The following RMND5A variants were observed in gnomAD, a reference collection of about 807,000 sequenced individuals.
RMND5A encodes the protein E3 ubiquitin-protein transferase RMND5A.
Under a neutral mutation model 49.7 loss-of-function variants are expected in RMND5A, and 17 were observed. That is an observed-to-expected ratio of 0.34 (90% CI 0.23 to 0.51). The LOEUF is 0.51. Among genes scored for constraint, RMND5A ranks in the 20% least tolerant of loss-of-function variants. The pLI is 0.96. For missense variants in RMND5A, 255 were observed against 471.3 expected (o/e 0.54, Z 4.25); for synonymous variants, 156 against 167.7 (o/e 0.93, Z 0.54).
intron 2 of RMND5A, among the ~76,000 whole-genome samples, chr2:86,742,324 G>A (rs1441720831): frequency 2.0e-5 from 3 of 152,048 alleles, no homozygotes; most frequent in Non-Finnish European, 4.4e-5. Context: ...TGGGGAGATT[G>A]TGACTGGGGA....
intron 1 of RMND5A, among the ~76,000 whole-genome samples, chr2:86,732,203 T>G (rs1195788782): frequency 7.1e-6 from 1 of 140,580 alleles, no homozygotes; most frequent in Non-Finnish European, 1.5e-5. Flanking sequence ...GAACTTTTTA[T>G]TATCTCCTGA....
rs774885869 is a variant in RMND5A at position 86,777,671 on chromosome 2, A to G, written c.*4260A>G. Reference sequence around the variant, plus strand: ...CGAGAATAGTGTTGCACTGTAATCTATCATATAGAGCTATATGTATGGAAA... The same window carrying G: ...CGAGAATAGTGTTGCACTGTAATCTGTCATATAGAGCTATATGTATGGAAA... On this transcript the variant is annotated 3_prime_UTR_variant, in exon 9 of 9. Coordinates refer to ENST00000283632, the MANE Select transcript of RMND5A (RefSeq NM_022780.4). 13 of 152,246 alleles carry G rather than the reference A, an allele frequency of 8.5e-5. No homozygotes were observed. The highest frequency in any genetic ancestry group is 1.6e-4 in the Non-Finnish European group (11 of 68,046). The allele number at this position is 152,246 out of a possible 1,614,324, so 9.4% of individuals were successfully genotyped here. A position where few individuals can be genotyped will look rare whatever the true frequency, so the allele number is the denominator to read the frequency against.
chr2:86,768,572 G>T (rs901155152), intron 6 of RMND5A, among the ~76,000 whole-genome samples: 2 of 152,206 alleles, frequency 1.3e-5, no homozygotes, highest in Non-Finnish European at 2.9e-5. Context: ...TGGCAACAAG[G>T]TGTCTCCCAT....
chr2:86,753,447 T>A lies in RMND5A; in HGVS notation c.421-11T>A. ...TGCTAACAAAAGTTCTTTCTTTCTT[T>A]CTTTTTCCAGGAATCTGGTCTTTCT... On this transcript the variant is annotated splice_polypyrimidine_tract_variant and intron_variant, in intron 3 of 8. Coordinates refer to ENST00000283632, the MANE Select transcript of RMND5A (RefSeq NM_022780.4). 1 of 1,545,208 alleles carries A rather than the reference T, an allele frequency of 6.5e-7. No individual in the cohort carries two copies. Among genetic ancestry groups the A allele is most frequent in the Non-Finnish European group, 8.9e-7 (1 of 1,122,978 alleles).
intron 4 of RMND5A, among the ~76,000 whole-genome samples, chr2:86,760,581 G>A (rs547393617): frequency 2.5e-4 from 38 of 152,174 alleles, no homozygotes; most frequent in African/African-American, 8.7e-4. Context: ...TTGTCACTTC[G>A]CTCTTGATCA....
At chr2:86,751,734 GT>G (rs1335004293) in intron 2 of RMND5A, among the ~76,000 whole-genome samples, 161 bp from the exon 3 acceptor site, 5 of 152,196 alleles carry the variant, frequency 3.3e-5, no homozygotes, top group Admixed American at 2.0e-4. Flanking sequence ...AGCATGACAA[GT>G]TTTAGAAAGG....
rs540187228 is a variant in RMND5A, at chr2:86,769,942, G to A, written c.855-81G>A. ...GTGGCCAGGGTCTGCAGCACATAGA[G>A]TCTGGAGAAATTGATGTCTCCTTGG... On this transcript the variant is annotated intron_variant, in intron 6 of 8. Coordinates refer to ENST00000283632, the MANE Select transcript of RMND5A (RefSeq NM_022780.4). 6 of 937,294 alleles carry A rather than the reference G, an allele frequency of 6.4e-6. No homozygotes were observed. In the South Asian group the frequency reaches 6.6e-5, roughly 10 times the overall value. 58.1% of individuals were successfully genotyped at this position (937,294 alleles called of 1,614,324 possible). A position where few individuals can be genotyped will look rare whatever the true frequency, so the allele number is the denominator to read the frequency against.
intron 6 of RMND5A, among the ~76,000 whole-genome samples, chr2:86,768,889 G>C (rs1672641713): frequency 6.6e-6 from 1 of 152,208 alleles, no homozygotes; most frequent in Non-Finnish European, 1.5e-5. Context: ...ATTAAATCCA[G>C]TTGTTTTGTG....
intron 2 of RMND5A, among the ~76,000 whole-genome samples, chr2:86,742,519 A>C (rs1681466190): frequency 6.8e-6 from 1 of 146,714 alleles, no homozygotes; most frequent in Admixed American, 6.8e-5. Context: ...TATGAGCTTA[A>C]GAACTGTGGG....
rs563667093 is a variant in RMND5A, at chr2:86,762,426, C to G, written c.522-2601C>G. Among the ~76,000 whole-genome samples the G allele has an allele frequency of 5.9e-5, 9 of 152,020 alleles. No individual in the cohort carries two copies. The South Asian group carries it at 1.9e-3, about 32-fold the overall frequency. On this transcript the variant is annotated intron_variant, in intron 4 of 8. Coordinates refer to ENST00000283632, the MANE Select transcript of RMND5A (RefSeq NM_022780.4). Reference sequence around the variant, plus strand: ...TTGGGAGGCCAAGGTGGGTGGATCACCTGAGGCCAGGAGTTCAAGACCAGC... The same window carrying G: ...TTGGGAGGCCAAGGTGGGTGGATCAGCTGAGGCCAGGAGTTCAAGACCAGC...
At chr2:86,757,350 C>T (rs528128453) in intron 4 of RMND5A, among the ~76,000 whole-genome samples, 5 of 152,232 alleles carry the variant, frequency 3.3e-5, no homozygotes, top group African/African-American at 9.6e-5. Context: ...TGAGTTTGTA[C>T]AGATTTTCCC....
At chr2:86,758,667 A>G (rs1681789736) in intron 4 of RMND5A, among the ~76,000 whole-genome samples, 1 of 152,192 alleles carries the variant, frequency 6.6e-6, no homozygotes, top group Admixed American at 6.5e-5. Context: ...TGGTTTCTTA[A>G]ATAGCATGTG....
At chr2:86,762,918 T>C (rs1672528040) in intron 4 of RMND5A, among the ~76,000 whole-genome samples, 1 of 151,628 alleles carries the variant, frequency 6.6e-6, no homozygotes, top group Non-Finnish European at 1.5e-5. Flanking sequence ...CGTGCACCTA[T>C]GGTGCCAGCT....
chr2:86,759,477 T>G (rs776625253), intron 4 of RMND5A, among the ~76,000 whole-genome samples: 44 of 152,316 alleles, frequency 2.9e-4, no homozygotes, highest in Non-Finnish European at 4.3e-4. Flanking sequence ...CTGTCATTTT[T>G]GGGGTTCAGT....
intron 4 of RMND5A, among the ~76,000 whole-genome samples, chr2:86,759,867 G>GA (rs371734730): frequency 2.4e-4 from 36 of 152,118 alleles, no homozygotes; most frequent in African/African-American, 7.2e-4. Flanking sequence ...GTGAGAAATA[G>GA]AAAACGAATT....
Position 86,776,080 on chromosome 2 carries a change from C to T in RMND5A, c.*2669C>T, listed in dbSNP as rs1573450247. The T allele has an allele frequency of 6.6e-6, 1 of 152,164 alleles. No individual in the cohort carries two copies. Among genetic ancestry groups the T allele is most frequent in the Non-Finnish European group, 1.5e-5 (1 of 68,034 alleles). 9.4% of individuals were successfully genotyped at this position (152,164 alleles called of 1,614,324 possible). On this transcript the variant is annotated 3_prime_UTR_variant, in exon 9 of 9. Transcript: ENST00000283632. The stretch of plus-strand genomic sequence containing the variant: ...CTTAAATTTCCTTGGGAACCGTTTC[C>T]ACATATCAGTTATAGACAAAGGCCA...
rs745510957 is a variant in RMND5A at position 86,765,127 on chromosome 2, A to G, written c.622A>G (p.Thr208Ala). ...TATTAGCTTGTTAATGGGTGGAACC[A>G]CAAATCAGCGAGAGGCATTACAATA... is the stretch of plus-strand genomic sequence containing the variant. ...YFISLLMGGT[T>A]NQREALQYAK... The change falls in exon 5 of 9, where the codon ACA becomes GCA. Residue 208 changes from threonine to alanine, a missense_variant. Coordinates refer to ENST00000283632, the MANE Select transcript of RMND5A (RefSeq NM_022780.4). 9 of 1,614,174 alleles carry G rather than the reference A, an allele frequency of 5.6e-6. No homozygotes were observed. The highest frequency in any genetic ancestry group is 1.1e-5 in the South Asian group (1 of 91,072).
rs373810063 is a variant in RMND5A, at chr2:86,768,355, G to A, written c.855-1668G>A. On this transcript the variant is annotated intron_variant, in intron 6 of 8. Coordinates refer to ENST00000283632, the MANE Select transcript of RMND5A (RefSeq NM_022780.4). ...TGGGCACTGTGTTGGATATGAAGAT[G>A]AATAAGGTGCATTCCACAGGGTGCT... 2.6e-5 allele frequency among the ~76,000 whole-genome samples: 4 copies of A among 152,358 alleles called. No individual in the cohort carries two copies. The East Asian group carries it at 5.8e-4, about 22-fold the overall frequency.
intron 4 of RMND5A, 89 bp from the exon 5 acceptor site, chr2:86,764,938 C>T (rs142625994): frequency 7.9e-7 from 1 of 1,265,938 alleles, no homozygotes; most frequent in East Asian, 2.4e-5. Flanking sequence ...CAGACCAAGC[C>T]CCTTTTTTGT....
Sources: gnomAD v4.1 joint callset for allele counts (sites outside exome capture counted in the v4.1 genomes callset) on GRCh38, gnomAD v4.1.1 for gene constraint, MANE v1.5 for transcripts, NCBI Gene and HGNC (gene_info 2026-07-23, HGNC 2026-07-21) for gene names.